MKI67: variants seen among roughly 807,000 people sequenced by gnomAD.
The protein encoded by MKI67 is marker of proliferation Ki-67.
A neutral mutation model predicts 233.5 loss-of-function variants in MKI67; 152 were observed. The ratio of observed to expected loss-of-function variants is 0.65; its 90% CI spans 0.57 to 0.74. The LOEUF (loss-of-function observed/expected upper bound fraction) is 0.74. Ranked by LOEUF, MKI67 falls within the 30% of genes least tolerant of loss-of-function variation. The probability of loss-of-function intolerance (pLI) is 0.00; values close to 1 mark genes in which losing one functional copy is unlikely to be tolerated. For missense variants in MKI67, 3,940 were observed against 3,885.2 expected (o/e 1.01, Z -0.37); for synonymous variants, 1,465 against 1,418.5 (o/e 1.03, Z -0.74).
chr10:128,100,927 A>G lies in MKI67; in HGVS notation c.9705+331T>C, dbSNP rs540001628. On this transcript the variant is annotated intron_variant, in intron 14 of 14. Coordinates refer to ENST00000368654, the MANE Select transcript of MKI67 (RefSeq NM_002417.5). ...GTTTCAAGAGGTGATTTTGAACTAC[A>G]GAAAGGCTGAAGACATCTACCTACA... Among the ~76,000 whole-genome samples, 4 of 152,370 alleles carry G rather than the reference A, an allele frequency of 2.6e-5. No individual in the cohort carries two copies. The East Asian group carries it at 7.7e-4, about 29-fold the overall frequency.
chr10:128,104,363 C>CT lies in MKI67; in HGVS notation c.7476dup (p.Glu2493ArgfsTer27), dbSNP rs770657513. The CT allele has an allele frequency of 3.1e-6, 5 of 1,614,070 alleles. No homozygotes were observed. The highest frequency in any genetic ancestry group is 2.5e-6 in the Non-Finnish European group (3 of 1,180,040). Reference sequence around the variant, plus strand: ...AGCTTGCTGACTGCTAGGGGCTCTTCTTTCATGTCCACTTTCACCAGGGGT... The same window carrying CT: ...AGCTTGCTGACTGCTAGGGGCTCTTCTTTTCATGTCCACTTTCACCAGGGGT... On this transcript the variant is annotated frameshift_variant, in exon 13 of 15. Transcript: ENST00000368654. LOFTEE classifies it high-confidence loss of function.
rs1296765863 is a variant in MKI67, at chr10:128,108,288, C to T, written c.3552G>A (p.Glu1184=). Residue 1184 remains glutamate, a synonymous_variant, in exon 13 of 15, where the codon GAG becomes GAA. Coordinates refer to ENST00000368654, the MANE Select transcript of MKI67 (RefSeq NM_002417.5). ...TTCCCATAAATGCTTTAATGTCTTT[C>T]TCATCACCTCCTGCTGGTTTGGGCG... ...MLTPKPAGGD[E]KDIKAFMGTP... 6.2e-7 allele frequency: 1 copy of T among 1,614,048 alleles called. No individual in the cohort carries two copies. The highest frequency in any genetic ancestry group is 1.1e-5 in the South Asian group (1 of 91,074).
rs1671483426 is a variant in MKI67 at position 128,105,788 on chromosome 10, G to A, written c.6052C>T (p.Leu2018Phe). ...VKEEVLPVGK[L>F]TQTSGKTTQT... ...GTGGTCTTCCCTGACGTCTGTGTGA[G>A]CTTGCCGACTGGTAGGACCTCTTCT... Residue 2018 changes from leucine (L) to phenylalanine (F), a missense_variant, in exon 13 of 15, where the codon CTC becomes TTC. Physicochemically the swap from Leu to Phe is conservative, Grantham distance 22. Transcript: ENST00000368654. 2 of 1,614,162 alleles carry A rather than the reference G, an allele frequency of 1.2e-6. No individual in the cohort carries two copies. Among genetic ancestry groups the A allele is most frequent in the East Asian group, 4.5e-5 (2 of 44,872 alleles).
chr10:128,109,928 A>G (rs1344293676), intron 12 of MKI67, among the ~76,000 whole-genome samples: 1 of 152,190 alleles, frequency 6.6e-6, no homozygotes, highest in Admixed American at 6.5e-5. Context: ...GAGAGATTAG[A>G]CAGATTCTCA....
At chr10:128,116,900 CTG>C (rs1852819762) in intron 5 of MKI67, among the ~76,000 whole-genome samples, 1 of 152,158 alleles carries the variant, frequency 6.6e-6, no homozygotes, top group South Asian at 2.1e-4. Context: ...AAGCGAGACT[CTG>C]TCTCAAAAAA....
intron 11 of MKI67, 109 bp downstream of exon 11, chr10:128,111,536 A>T: frequency 3.6e-3 from 2,564 of 714,812 alleles, no homozygotes; most frequent in Middle Eastern, 5.2e-3. Flanking sequence ...TGAGTCGTTT[A>T]TTTTATAATC....
chr10:128,108,597 A>C lies in MKI67; in HGVS notation c.3243T>G (p.Arg1081=), dbSNP rs1408848003. 6.2e-7 allele frequency: 1 copy of C among 1,613,982 alleles called. No homozygotes were observed. Among genetic ancestry groups the C allele is most frequent in the Non-Finnish European group, 8.5e-7 (1 of 1,180,014 alleles). Residue 1081 remains arginine (R), a synonymous_variant, in exon 13 of 15, where the codon CGT becomes CGG. Transcript: ENST00000368654. ...TTGGCCACTTCTTCATTCCAGTTAC[A>C]CGGGCTGCTGGGTCCAGGATCTGCT... ...SPKQILDPAA[R]VTGMKKWPRT...
Position 128,101,512 on chromosome 10 carries a change from C to T in MKI67, c.9451G>A (p.Glu3151Lys), listed in dbSNP as rs1281723009. 1.2e-6 allele frequency: 2 copies of T among 1,614,252 alleles called. No homozygotes were observed. Among genetic ancestry groups the T allele is most frequent in the Admixed American group, 1.7e-5 (1 of 60,034 alleles). The change falls in exon 14 of 15, where the codon GAG (glutamate) becomes AAG (lysine). Residue 3151 changes from glutamate to lysine, a missense_variant. Coordinates refer to ENST00000368654, the MANE Select transcript of MKI67 (RefSeq NM_002417.5). Reference protein sequence around the residue: ...RKPIPRDKVTENKRCLRSARQ... With the variant: ...RKPIPRDKVTKNKRCLRSARQ... ...GCAGACCTCAAGCACCTTTTGTTCT[C>T]AGTGACTTTGTCTCTAGGTATGGGT...
chr10:128,106,932 G>A lies in MKI67; in HGVS notation c.4908C>T (p.Ser1636=). 2 of 1,613,958 alleles carry A rather than the reference G, an allele frequency of 1.2e-6. No homozygotes were observed. The highest frequency in any genetic ancestry group is 1.7e-6 in the Non-Finnish European group (2 of 1,179,992). The part of the protein sequence containing the change: ...PASSKRRLKT[S]LGKVGVKEEL... Reference sequence around the variant, plus strand: ...CTTCTTTCACGCCCACTTTCCCCAGGGATGTCTTGAGCCGTCGCTTGGAGC... The same window carrying A: ...CTTCTTTCACGCCCACTTTCCCCAGAGATGTCTTGAGCCGTCGCTTGGAGC... Residue 1636 remains serine (S), a synonymous_variant, in exon 13 of 15, where the codon TCC becomes TCT. Coordinates refer to ENST00000368654, the MANE Select transcript of MKI67 (RefSeq NM_002417.5).
intron 14 of MKI67, among the ~76,000 whole-genome samples, chr10:128,099,571 A>G (rs1376532779): frequency 6.6e-6 from 1 of 152,248 alleles, no homozygotes; most frequent in African/African-American, 2.4e-5. Context: ...AAACTAAAAA[A>G]TGTCACTCAG....
chr10:128,116,461 AT>A, intron 6 of MKI67, 29 bp downstream of exon 6: 1 of 1,604,498 alleles, frequency 6.2e-7, no homozygotes, highest in Non-Finnish European at 8.5e-7. Flanking sequence ...ATCTTTCAGG[AT>A]TCTGGAACAA....
intron 13 of MKI67, 30 bp downstream of exon 13, chr10:128,102,549 A>G: frequency 6.2e-7 from 1 of 1,602,216 alleles, no homozygotes. Context: ...CCAAGACGAT[A>G]TTGAGTGATG....
At position 128,096,946 on chromosome 10, in the gene MKI67, G is replaced by C. The variant is rs968051476; in HGVS notation, c.*2244C>G. The C allele has an allele frequency of 5.9e-5, 9 of 152,426 alleles. No individual in the cohort carries two copies. Among genetic ancestry groups the C allele is most frequent in the African/African-American group, 2.2e-4 (9 of 41,456 alleles). 9.4% of individuals were successfully genotyped at this position (152,426 alleles called of 1,614,324 possible). On this transcript the variant is annotated 3_prime_UTR_variant, in exon 15 of 15. Transcript: ENST00000368654. ...CCTTAAGCTGAGCTCAGGACTGGAT[G>C]AAATGATCTTGGTGGGGCAGGAGGG...
At chr10:128,110,866 C>G (rs570031648) in intron 11 of MKI67, among the ~76,000 whole-genome samples, 2 of 152,220 alleles carry the variant, frequency 1.3e-5, no homozygotes, top group African/African-American at 4.8e-5. Flanking sequence ...GACCCATAGG[C>G]CTCCCTGCTA....
chr10:128,099,150 A>G lies in MKI67; in HGVS notation c.*40T>C, dbSNP rs757916296. On this transcript the variant is annotated 3_prime_UTR_variant, in exon 15 of 15. Coordinates refer to ENST00000368654, the MANE Select transcript of MKI67 (RefSeq NM_002417.5). ...AAAAACTGCACTAGAACTTATCACAAAACTAACTTTATTATATTTTTCCCA... is the reference window on the plus strand; with the variant it reads ...AAAAACTGCACTAGAACTTATCACAGAACTAACTTTATTATATTTTTCCCA... 3 of 1,522,750 alleles carry G rather than the reference A, an allele frequency of 2.0e-6. No individual in the cohort carries two copies. In the Admixed American group the frequency reaches 5.2e-5, roughly 27 times the overall value. The allele number at this position is 1,522,750 out of a possible 1,614,324, so 94.3% of individuals were successfully genotyped here.
chr10:128,113,918 G>A (rs1852736583), intron 7 of MKI67, among the ~76,000 whole-genome samples: 1 of 144,580 alleles, frequency 6.9e-6, no homozygotes, highest in Non-Finnish European at 1.6e-5. Context: ...GGGGACGACA[G>A]CCAGAGAACT....
intron 5 of MKI67, among the ~76,000 whole-genome samples, chr10:128,118,397 G>GAA (rs572037256): frequency 2.2e-3 from 122 of 56,050 alleles, no homozygotes; most frequent in South Asian, 0.018. Context: ...CTCCGTCTCA[G>GAA]AAAAAAAAAA....
chr10:128,111,089 A>T (rs1174115849), intron 11 of MKI67, among the ~76,000 whole-genome samples: 2 of 152,220 alleles, frequency 1.3e-5, no homozygotes, highest in Non-Finnish European at 2.9e-5. Flanking sequence ...AAGTGTTGGG[A>T]TTACAGGCGT....
In MKI67 at chr10:128,113,604, T is replaced by C; in HGVS notation, c.1481-2A>G. On this transcript the variant is annotated splice_acceptor_variant, in intron 7 of 14. Transcript: ENST00000368654. LOFTEE classifies it high-confidence loss of function. The stretch of plus-strand genomic sequence containing the variant: ...TCAAAGGTATTCCCTCACTCTCATC[T>C]AAAGTAACGGATACAAATGTGGAAA... 3 of 1,612,812 alleles carry C rather than the reference T, an allele frequency of 1.9e-6. No individual in the cohort carries two copies. Among genetic ancestry groups the C allele is most frequent in the Non-Finnish European group, 2.5e-6 (3 of 1,178,966 alleles).
Sources: allele counts gnomAD v4.1 joint callset (sites outside exome capture counted in the v4.1 genomes callset), GRCh38; gene constraint gnomAD v4.1.1; transcripts MANE v1.5; gene names NCBI Gene and HGNC (gene_info 2026-07-23, HGNC 2026-07-21).